The following C9 variants were observed in gnomAD, a reference collection of about 807,000 sequenced individuals.
The protein encoded by C9 is complement component C9.
Under a neutral mutation model 65.4 loss-of-function variants are expected in C9, and 63 were observed. That is an observed-to-expected ratio of 0.96 (90% confidence interval 0.79 to 1.19). C9 has a LOEUF of 1.19. C9 is among the 50% of genes most tolerant of loss of function. C9 has a pLI of 0.00. For missense variants in C9, 744 were observed against 670.1 expected (o/e 1.11, Z -1.22); for synonymous variants, 229 against 227.9 (o/e 1.00, Z -0.04).
At chr5:39,326,524 T>G (rs767935933) in intron 5 of C9, among the ~76,000 whole-genome samples, 1 of 152,192 alleles carries the variant, frequency 6.6e-6, no homozygotes, top group Non-Finnish European at 1.5e-5. Flanking sequence ...AATGAAACTC[T>G]CAGGGTTTTG....
At chr5:39,342,618 T>C (rs1275305621) in intron 1 of C9, among the ~76,000 whole-genome samples, 2 of 152,140 alleles carry the variant, frequency 1.3e-5, no homozygotes, top group East Asian at 3.9e-4. Context: ...CTGGTGAGGC[T>C]AAGTTACCTC....
chr5:39,304,685 AGGT>A (rs1200994337), intron 9 of C9, among the ~76,000 whole-genome samples: 5 of 152,170 alleles, frequency 3.3e-5, no homozygotes, highest in Admixed American at 2.0e-4. Context: ...CCATTTCCTT[AGGT>A]AGAATGTTGA....
intron 6 of C9, among the ~76,000 whole-genome samples, chr5:39,312,546 C>G (rs187835964): frequency 6.6e-6 from 1 of 152,120 alleles, no homozygotes; most frequent in Non-Finnish European, 1.5e-5. Flanking sequence ...TATTTTGAGA[C>G]GTGGAACTCA....
chr5:39,345,246 AG>A (rs1420908195), intron 1 of C9, among the ~76,000 whole-genome samples: 2 of 152,254 alleles, frequency 1.3e-5, no homozygotes, highest in Admixed American at 6.5e-5. Context: ...TAAAGAGTAA[AG>A]ACCCATCAGT....
chr5:39,289,204 G>C (rs1753046249), intron 9 of C9, among the ~76,000 whole-genome samples: 1 of 151,514 alleles, frequency 6.6e-6, no homozygotes, highest in Non-Finnish European at 1.5e-5. Context: ...CAAATAGAAA[G>C]TGTGATAGGT....
intron 5 of C9, among the ~76,000 whole-genome samples, chr5:39,329,271 C>A (rs1753803747): frequency 6.6e-6 from 1 of 152,078 alleles, no homozygotes; most frequent in Non-Finnish European, 1.5e-5. Context: ...AATTATGTAC[C>A]TAGCTTTGGC....
At chr5:39,358,758 G>T (rs1754454256) in intron 1 of C9, among the ~76,000 whole-genome samples, 1 of 151,972 alleles carries the variant, frequency 6.6e-6, no homozygotes, top group Admixed American at 6.6e-5. Context: ...GGCCAAGGCG[G>T]GTGGATCATG....
chr5:39,345,284 T>C (rs1579874677), intron 1 of C9, among the ~76,000 whole-genome samples: 1 of 152,284 alleles, frequency 6.6e-6, no homozygotes, highest in East Asian at 1.9e-4. Flanking sequence ...ACCCATCTTA[T>C]GTGCAGAGAC....
intron 1 of C9, among the ~76,000 whole-genome samples, chr5:39,348,922 C>T (rs571654696): frequency 2.0e-4 from 29 of 144,444 alleles, no homozygotes; most frequent in African/African-American, 5.1e-4. Flanking sequence ...ATTGCAAGGA[C>T]GAAAAACCAA....
chr5:39,285,759 A>G (rs1752981549), intron 10 of C9, among the ~76,000 whole-genome samples: 1 of 151,190 alleles, frequency 6.6e-6, no homozygotes, highest in Admixed American at 6.6e-5. Flanking sequence ...AACCTGGTTG[A>G]GAGCCATTGG....
chr5:39,306,447 ACT>A (rs2111875825), intron 9 of C9, among the ~76,000 whole-genome samples, 168 bp downstream of exon 9: 1 of 151,926 alleles, frequency 6.6e-6, no homozygotes, highest in Non-Finnish European at 1.5e-5. Context: ...GGATGGTCTG[ACT>A]CTACACCATG....
rs1407613505 is a variant in C9 at position 39,359,102 on chromosome 5, G to GTGTGTGTGTGTGTATA, written c.77+5285_77+5286insTATACACACACACACA. Among the ~76,000 whole-genome samples the GTGTGTGTGTGTGTATA allele has an allele frequency of 8.5e-4, 88 of 103,662 alleles. 1 individual carries two copies. The highest frequency in any genetic ancestry group is 5.8e-4 in the Non-Finnish European group (30 of 52,136). 68.0% of individuals were successfully genotyped at this position (103,662 alleles called of 152,430 possible). Reference sequence around the variant, plus strand: ...TGTATATATATATGTGTGTGTGTGTGTATATATATATATATATATATATGT... The same window carrying GTGTGTGTGTGTGTATA: ...TGTATATATATATGTGTGTGTGTGTGTGTGTGTGTGTGTATATATATATATATATATATATATATGT... On this transcript the variant is annotated intron_variant, in intron 1 of 10. Coordinates refer to ENST00000263408, the MANE Select transcript of C9 (RefSeq NM_001737.5).
At chr5:39,320,825 C>A (rs1040314049) in intron 5 of C9, among the ~76,000 whole-genome samples, 162 of 152,148 alleles carry the variant, frequency 1.1e-3, no homozygotes, top group Non-Finnish European at 8.4e-4. Context: ...AGATTACTAG[C>A]AGATGTTTCA....
At chr5:39,330,402 A>C (rs941063240) in intron 5 of C9, among the ~76,000 whole-genome samples, 1 of 152,188 alleles carries the variant, frequency 6.6e-6, no homozygotes, top group Admixed American at 6.5e-5. Context: ...CCTAGCCGTC[A>C]CTATTCTATG....
At position 39,288,992 on chromosome 5, in the gene C9, C is replaced by T. The variant is rs370126237; in HGVS notation, c.1417-41G>A. 1.2e-4 allele frequency: 121 copies of T among 1,052,060 alleles called. 1 individual carries two copies. The highest frequency in any genetic ancestry group is 2.0e-4 in the Middle Eastern group (1 of 4,886). 65.2% of individuals were successfully genotyped at this position (1,052,060 alleles called of 1,614,324 possible). On this transcript the variant is annotated intron_variant, in intron 9 of 10. Coordinates refer to ENST00000263408, the MANE Select transcript of C9 (RefSeq NM_001737.5). ...ACATTTAATTTTAGGTCCTTTTTAA[C>T]TGAGAGAACTTGTAGAATACACTTT...
chr5:39,334,824 C>T (rs1175915619), intron 4 of C9, among the ~76,000 whole-genome samples: 2 of 152,152 alleles, frequency 1.3e-5, no homozygotes, highest in Non-Finnish European at 2.9e-5. Flanking sequence ...GTGTGCCCAG[C>T]AGCTCATTGA....
At chr5:39,297,701 C>T (rs988340582) in intron 9 of C9, among the ~76,000 whole-genome samples, 2 of 151,584 alleles carry the variant, frequency 1.3e-5, no homozygotes, top group Non-Finnish European at 3.0e-5. Context: ...AATGACAGAA[C>T]TTTAAAATAC....
Position 39,296,381 on chromosome 5 carries a change from A to T in C9, c.1417-7430T>A, listed in dbSNP as rs535004712. Among the ~76,000 whole-genome samples, 3 of 151,786 alleles carry T rather than the reference A, an allele frequency of 2.0e-5. No homozygotes were observed. The South Asian group carries it at 6.2e-4, about 31-fold the overall frequency. On this transcript the variant is annotated intron_variant, in intron 9 of 10. Transcript: ENST00000263408. ...AATGATCTGAAGAGCCATTTTGCAA[A>T]AGAACACACATAAAAGGCCAAAAAG...
chr5:39,338,009 A>G (rs894978552), intron 4 of C9, among the ~76,000 whole-genome samples: 3 of 152,214 alleles, frequency 2.0e-5, no homozygotes, highest in Non-Finnish European at 4.4e-5. Context: ...TATTACCTCT[A>G]TTTCACAAAG....
Sources: allele counts gnomAD v4.1 joint callset (sites outside exome capture counted in the v4.1 genomes callset), GRCh38; gene constraint gnomAD v4.1.1; transcripts MANE v1.5; gene names NCBI Gene and HGNC (gene_info 2026-07-23, HGNC 2026-07-21).